Variants in ABHD6 observed in about 807,000 individuals in gnomAD.
ABHD6 encodes abhydrolase domain containing 6, acylglycerol lipase.
A neutral mutation model predicts 38.8 loss-of-function variants in ABHD6; 33 were observed. The observed-to-expected ratio is 0.85, with a 90% CI of 0.64 to 1.14. The LOEUF (loss-of-function observed/expected upper bound fraction) is 1.14, where lower values mean the gene tolerates loss of function less well. ABHD6 is among the 50% of genes most tolerant of loss of function. ABHD6 has a pLI of 0.00. For missense variants in ABHD6, 380 were observed against 422.6 expected (o/e 0.90, Z 0.88); for synonymous variants, 147 against 161.6 (o/e 0.91, Z 0.69).
Position 58,269,367 on chromosome 3 carries a change from A to G in ABHD6, c.323A>G (p.His108Arg), listed in dbSNP as rs777654004. ...TTGGTCTGCGTGGACATGCCAGGAC[A>G]TGAGGGCACCACCCGCTCCTCCCTG... ...LHLVCVDMPG[H>R]EGTTRSSLDD... The change falls in exon 5 of 10, where the codon CAT (histidine) becomes CGT (arginine). Residue 108 changes from histidine to arginine, a missense_variant. Coordinates refer to ENST00000478253, the MANE Select transcript of ABHD6 (RefSeq NM_001320126.2). The surrounding 1 kb of genome is among the most constrained non-coding windows in gnomAD (Gnocchi z 4.4). The G allele has an allele frequency of 6.2e-7, 1 of 1,614,036 alleles. No homozygotes were observed. Among genetic ancestry groups the G allele is most frequent in the South Asian group, 1.1e-5 (1 of 91,092 alleles).
intron 7 of ABHD6, among the ~76,000 whole-genome samples, chr3:58,281,257 C>G (rs750700226): frequency 6.6e-6 from 1 of 152,214 alleles, no homozygotes; most frequent in Non-Finnish European, 1.5e-5. Flanking sequence ...TTGCCGAGTT[C>G]GAGCTTCCAG....
chr3:58,274,010 G>A (rs1229780369), intron 6 of ABHD6, among the ~76,000 whole-genome samples: 2 of 152,166 alleles, frequency 1.3e-5, no homozygotes, highest in African/African-American at 2.4e-5. Flanking sequence ...GGACTCTCGT[G>A]TCGTGCCCTG....
In ABHD6 at chr3:58,256,284, T is replaced by G. The variant is rs2097433276; in HGVS notation, c.-25-278T>G. On this transcript the variant is annotated intron_variant, in intron 2 of 9. Coordinates refer to ENST00000478253, the MANE Select transcript of ABHD6 (RefSeq NM_001320126.2). The surrounding 1 kb of genome is among the most constrained non-coding windows in gnomAD (Gnocchi z 4.3). ...GAATTGTGTCACTGATACATTGACG[T>G]TGTCTAATACCCAGCCCTTACTCAG... Among the ~76,000 whole-genome samples the G allele has an allele frequency of 6.6e-6, 1 of 152,210 alleles. No individual in the cohort carries two copies. The highest frequency in any genetic ancestry group is 2.4e-5 in the African/African-American group (1 of 41,452).
intron 1 of ABHD6, among the ~76,000 whole-genome samples, chr3:58,248,034 G>T (rs1316884815): frequency 3.3e-5 from 5 of 152,162 alleles, no homozygotes; most frequent in Non-Finnish European, 7.3e-5. Context: ...CATTCAGAAG[G>T]ATTTCCCACG....
intron 1 of ABHD6, among the ~76,000 whole-genome samples, chr3:58,245,766 G>A (rs2097425930): frequency 1.3e-5 from 2 of 151,012 alleles, no homozygotes; most frequent in Non-Finnish European, 2.9e-5. Flanking sequence ...GGCAACAGAG[G>A]GAGACCCTGT....
chr3:58,280,911 A>G (rs2097452646), intron 7 of ABHD6, among the ~76,000 whole-genome samples: 1 of 152,194 alleles, frequency 6.6e-6, no homozygotes, highest in Non-Finnish European at 1.5e-5. Context: ...TTGCCTGGGT[A>G]TCACCAGCGG....
At chr3:58,243,123 G>A (rs1419461015) in intron 1 of ABHD6, among the ~76,000 whole-genome samples, 1 of 152,134 alleles carries the variant, frequency 6.6e-6, no homozygotes, top group Non-Finnish European at 1.5e-5. Flanking sequence ...GTCTATCATT[G>A]ATGGACGTTT....
chr3:58,284,175 GGTC>G (rs2097455311), intron 7 of ABHD6, among the ~76,000 whole-genome samples: 1 of 152,086 alleles, frequency 6.6e-6, no homozygotes, highest in African/African-American at 2.4e-5. Flanking sequence ...TACCTCTTTG[GGTC>G]AGTAGCCCAG....
intron 1 of ABHD6, among the ~76,000 whole-genome samples, chr3:58,243,658 CA>C (rs1226438982): frequency 2.6e-5 from 4 of 151,368 alleles, no homozygotes; most frequent in Non-Finnish European, 4.4e-5. Context: ...GGATGGGAAG[CA>C]GAAGTTTTCT....
intron 2 of ABHD6, among the ~76,000 whole-genome samples, chr3:58,253,209 A>G (rs2097431173): frequency 6.6e-6 from 1 of 151,542 alleles, no homozygotes; most frequent in African/African-American, 2.4e-5. Flanking sequence ...CGGGGCTATC[A>G]TCTCCAGTGT....
Position 58,269,542 on chromosome 3 carries a change from C to A in ABHD6, c.390+108C>A. ...TCCTGTGCTACCTCATGACCAGTCT[C>A]CTGTACATTCTGTCTACAAGTGATG... On this transcript the variant is annotated intron_variant, in intron 5 of 9. Coordinates refer to ENST00000478253, the MANE Select transcript of ABHD6 (RefSeq NM_001320126.2). The surrounding 1 kb of genome is among the most constrained non-coding windows in gnomAD (Gnocchi z 4.4). 2 of 807,834 alleles carry A rather than the reference C, an allele frequency of 2.5e-6. No homozygotes were observed. Among genetic ancestry groups the A allele is most frequent in the Non-Finnish European group, 4.1e-6 (2 of 492,168 alleles). The allele number at this position is 807,834 out of a possible 1,614,324, so 50.0% of individuals were successfully genotyped here. A position where few individuals can be genotyped will look rare whatever the true frequency, so the allele number is the denominator to read the frequency against.
intron 1 of ABHD6, among the ~76,000 whole-genome samples, chr3:58,239,799 G>A (rs978809488): frequency 1.3e-5 from 2 of 151,712 alleles, no homozygotes; most frequent in African/African-American, 2.4e-5. Context: ...CTATCCTGGG[G>A]GCGAGAAGTT....
At chr3:58,272,048 C>T (rs538793545) in intron 6 of ABHD6, among the ~76,000 whole-genome samples, 267 of 152,266 alleles carry the variant, frequency 1.8e-3, no homozygotes, top group African/African-American at 6.1e-3. Flanking sequence ...AAGTGATCTG[C>T]CCGCCTCCAC....
chr3:58,267,136 A>G lies in ABHD6; in HGVS notation c.120-53A>G. The G allele has an allele frequency of 5.0e-6, 8 of 1,586,538 alleles. No individual in the cohort carries two copies. The highest frequency in any genetic ancestry group is 6.0e-6 in the Non-Finnish European group (7 of 1,163,470). On this transcript the variant is annotated intron_variant, in intron 3 of 9. Transcript: ENST00000478253. The surrounding 1 kb of genome is among the most constrained non-coding windows in gnomAD (Gnocchi z 4.3). ...GAGGACCTGTGCCCATCTTGAAGCC[A>G]CTCATCTAGAGCTTACTGATTTCGT...
chr3:58,264,793 G>A (rs924484738), intron 3 of ABHD6, among the ~76,000 whole-genome samples: 3 of 151,978 alleles, frequency 2.0e-5, no homozygotes, highest in African/African-American at 7.3e-5. Context: ...TACATAGTAG[G>A]TATATATGGG....
intron 9 of ABHD6, among the ~76,000 whole-genome samples, chr3:58,290,240 G>A (rs1408704960): frequency 1.1e-4 from 14 of 127,908 alleles, no homozygotes; most frequent in Admixed American, 5.1e-4. Context: ...CAGTAGGGGC[G>A]GCTGGGCAGA....
At chr3:58,239,886 A>G (rs1263172528) in intron 1 of ABHD6, among the ~76,000 whole-genome samples, 1 of 151,316 alleles carries the variant, frequency 6.6e-6, no homozygotes, top group East Asian at 1.9e-4. Context: ...GTGGGCTCAC[A>G]CCTCAAAGTG....
At chr3:58,254,101 A>G (rs1260210772) in intron 2 of ABHD6, among the ~76,000 whole-genome samples, 1 of 152,252 alleles carries the variant, frequency 6.6e-6, no homozygotes, top group African/African-American at 2.4e-5. Flanking sequence ...AAAAATAGAC[A>G]AAGTGGAGCT....
Position 58,259,728 on chromosome 3 carries a change from T to C in ABHD6, c.119+3023T>C, listed in dbSNP as rs1175172615. On this transcript the variant is annotated intron_variant, in intron 3 of 9. Coordinates refer to ENST00000478253, the MANE Select transcript of ABHD6 (RefSeq NM_001320126.2). This position sits in a 1 kb window ranked among gnomAD's most constrained non-coding sequence, Gnocchi z 4.7. ...TAAATATAAATGTAAATAAATAAAA[T>C]GTACAATTCAGTGGTTTTAATATAT... Among the ~76,000 whole-genome samples, 2 of 152,038 alleles carry C rather than the reference T, an allele frequency of 1.3e-5. No individual in the cohort carries two copies. The highest frequency in any genetic ancestry group is 2.4e-5 in the African/African-American group (1 of 41,398).
Sources: allele counts gnomAD v4.1 joint callset (sites outside exome capture counted in the v4.1 genomes callset), GRCh38; gene constraint gnomAD v4.1.1; non-coding constraint Gnocchi (gnomAD v3.1); transcripts MANE v1.5; gene names NCBI Gene and HGNC (gene_info 2026-07-23, HGNC 2026-07-21).